Variants in ANO10 observed in about 807,000 individuals in gnomAD.
The protein encoded by ANO10 is anoctamin-10.
ANO10 carries 77 observed loss-of-function variants against 74.7 expected under a neutral mutation model. That is an observed-to-expected ratio of 1.03 (90% CI 0.86 to 1.25). The LOEUF is 1.25. Among genes scored for constraint, ANO10 ranks in the 50% most tolerant of loss-of-function variants. The probability of loss-of-function intolerance (pLI) is 0.00; values close to 1 mark genes in which losing one functional copy is unlikely to be tolerated. For missense variants in ANO10, 721 were observed against 778.1 expected (o/e 0.93, Z 0.87); for synonymous variants, 279 against 284.9 (o/e 0.98, Z 0.21).
At chr3:43,577,961 C>T (rs1359436737) in intron 5 of ANO10, among the ~76,000 whole-genome samples, 1 of 152,158 alleles carries the variant, frequency 6.6e-6, no homozygotes, top group African/African-American at 2.4e-5. Flanking sequence ...AACACTGCAT[C>T]CTTTGCCAGC....
At chr3:43,570,604 A>G in intron 7 of ANO10, among the ~76,000 whole-genome samples, 1 of 151,984 alleles carries the variant, frequency 6.6e-6, no homozygotes, top group Non-Finnish European at 1.5e-5. Context: ...TATTTAATAA[A>G]TGGTGCTGGG....
intron 12 of ANO10, among the ~76,000 whole-genome samples, chr3:43,417,479 C>T (rs1575728473): frequency 6.6e-6 from 1 of 152,178 alleles, no homozygotes; most frequent in Non-Finnish European, 1.5e-5. Context: ...CATCCACTAC[C>T]GGTTGCTCTT....
chr3:43,638,345 T>A (rs1212011314), intron 1 of ANO10, among the ~76,000 whole-genome samples: 1 of 152,228 alleles, frequency 6.6e-6, no homozygotes, highest in East Asian at 1.9e-4. Flanking sequence ...TTGAGATGTT[T>A]TTATGGTGTT....
chr3:43,626,980 A>G (rs1487398011), upstream of ANO10, among the ~76,000 whole-genome samples: 6 of 133,288 alleles, frequency 4.5e-5, no homozygotes, highest in Non-Finnish European at 9.1e-5. Flanking sequence ...AATAGCAGCC[A>G]TTGAAGACTC....
At chr3:43,464,193 T>C (rs4356794) in intron 11 of ANO10, among the ~76,000 whole-genome samples, 152,179 of 152,200 alleles carry the variant, frequency 1, 76,079 homozygotes, top group Middle Eastern at 1. Flanking sequence ...AGCCTCTCTC[T>C]GAAAAAAAAA....
intron 11 of ANO10, among the ~76,000 whole-genome samples, chr3:43,504,660 T>G (rs78179499): frequency 6.6e-6 from 1 of 152,112 alleles, no homozygotes; most frequent in Non-Finnish European, 1.5e-5. Flanking sequence ...ATTTTTTTTT[T>G]GAGACAGAGT....
rs141526191 is a variant in ANO10, at chr3:43,517,809, T to C, written c.1797+31911A>G. Among the ~76,000 whole-genome samples, 11 of 152,296 alleles carry C rather than the reference T, an allele frequency of 7.2e-5. No homozygotes were observed. The East Asian group carries it at 2.1e-3, about 29-fold the overall frequency. On this transcript the variant is annotated intron_variant, in intron 11 of 12. Coordinates refer to ENST00000292246, the MANE Select transcript of ANO10 (RefSeq NM_018075.5). ...GAGCACTACCCTAATTGGTTTACCT[T>C]GGTTAACAGGATAAGCCCACTGATT...
chr3:43,599,854 C>T (rs562290654), intron 3 of ANO10, among the ~76,000 whole-genome samples: 118 of 150,492 alleles, frequency 7.8e-4, no homozygotes, highest in African/African-American at 2.8e-3. Flanking sequence ...TGCAGTGAGC[C>T]GAGATAGCAC....
At chr3:43,640,019 A>G (rs1025844132) in intron 1 of ANO10, among the ~76,000 whole-genome samples, 2 of 152,112 alleles carry the variant, frequency 1.3e-5, no homozygotes, top group Admixed American at 6.6e-5. Context: ...TGTTAGGGTG[A>G]AAGTGGGGTG....
intron 1 of ANO10, chr3:43,691,084 C>T (rs940620757): frequency 8.0e-6 from 12 of 1,504,662 alleles, no homozygotes; most frequent in Non-Finnish European, 1.1e-5. Flanking sequence ...CGGCGCGCAC[C>T]CTCCGCGCGG....
At chr3:43,457,847 C>G (rs2075204081) in intron 11 of ANO10, among the ~76,000 whole-genome samples, 1 of 152,200 alleles carries the variant, frequency 6.6e-6, no homozygotes, top group African/African-American at 2.4e-5. Context: ...TTGAAATGCT[C>G]AGTGCAACAT....
intron 1 of ANO10, among the ~76,000 whole-genome samples, chr3:43,614,697 T>C (rs2082997120): frequency 6.8e-6 from 1 of 147,892 alleles, no homozygotes; most frequent in Non-Finnish European, 1.5e-5. Context: ...AAAAATAATA[T>C]TAAACGTTCA....
At chr3:43,581,627 A>C (rs1332143466) in intron 4 of ANO10, among the ~76,000 whole-genome samples, 1 of 152,198 alleles carries the variant, frequency 6.6e-6, no homozygotes, top group Non-Finnish European at 1.5e-5. Flanking sequence ...GGTTGCTTAT[A>C]AAATGAAATT....
chr3:43,609,438 A>C (rs1411776216), intron 1 of ANO10, among the ~76,000 whole-genome samples: 3 of 152,242 alleles, frequency 2.0e-5, no homozygotes, highest in African/African-American at 7.2e-5. Context: ...AATAGCAGCC[A>C]AAAAGTAAAC....
chr3:43,646,743 C>T (rs1443535440), intron 1 of ANO10, among the ~76,000 whole-genome samples: 2 of 152,112 alleles, frequency 1.3e-5, no homozygotes, highest in African/African-American at 4.8e-5. Flanking sequence ...CTCCTGACCT[C>T]AGGTGATCTG....
intron 1 of ANO10, among the ~76,000 whole-genome samples, chr3:43,650,462 A>T: frequency 6.6e-6 from 1 of 152,232 alleles, no homozygotes; most frequent in South Asian, 2.1e-4. Context: ...AGTTAGAAAA[A>T]GAAAACACAG....
At chr3:43,456,900 A>G (rs2075154477) in intron 11 of ANO10, among the ~76,000 whole-genome samples, 1 of 152,230 alleles carries the variant, frequency 6.6e-6, no homozygotes, top group African/African-American at 2.4e-5. Flanking sequence ...CATACTTACA[A>G]CTTTCTTGTA....
chr3:43,425,289 A>C (rs1277764244), intron 12 of ANO10, among the ~76,000 whole-genome samples: 1 of 150,798 alleles, frequency 6.6e-6, no homozygotes, highest in African/African-American at 2.4e-5. Flanking sequence ...TTGGTCTCCT[A>C]AAGTGCTAGG....
rs973519488 is a variant in ANO10, at chr3:43,631,580, CT to C, written c.-11-25718del. ...CTTCAGACTTGGCATAAACATAGTG[CT>C]TTTTTTTTCTTTCTGAGATTTGTTT... On this transcript the variant is annotated intron_variant, in intron 1 of 3. Transcript: ENST00000413397. 5.3e-5 allele frequency among the ~76,000 whole-genome samples: 8 copies of C among 151,134 alleles called. No homozygotes were observed. The East Asian group carries it at 5.8e-4, about 11-fold the overall frequency.
Sources: gnomAD v4.1 joint callset for allele counts (sites outside exome capture counted in the v4.1 genomes callset) on GRCh38, gnomAD v4.1.1 for gene constraint, MANE v1.5 for transcripts, NCBI Gene and HGNC (gene_info 2026-07-23, HGNC 2026-07-21) for gene names.